CHSY3: variants seen among roughly 807,000 people sequenced by gnomAD.
The protein encoded by CHSY3 is chondroitin sulfate synthase 3, also known as N-acetylgalactosaminyl-proteoglycan 3-beta-glucuronosyltransferase 3.
CHSY3 carries 35 observed loss-of-function variants against 67.2 expected under a neutral mutation model. The ratio of observed to expected loss-of-function variants is 0.52; its 90% confidence interval spans 0.40 to 0.69. The LOEUF is 0.69. Among genes scored for constraint, CHSY3 ranks in the 30% least tolerant of loss-of-function variants. The pLI is 0.00. For missense variants in CHSY3, 1,069 were observed against 1,138.5 expected, an observed-to-expected ratio of 0.94 and a Z score of 0.88; for synonymous variants, 474 against 434.7, an observed-to-expected ratio of 1.09 and a Z score of -1.12.
intron 2 of CHSY3, among the ~76,000 whole-genome samples, chr5:130,120,346 C>T (rs1198128057): frequency 6.6e-6 from 1 of 152,070 alleles, no homozygotes; most frequent in African/African-American, 2.4e-5. Context: ...AATAGCACGA[C>T]TTGGACAGTT....
In CHSY3 at chr5:129,919,469, A is replaced by AT. The variant is rs59058168; in HGVS notation, c.1086+11110dup. Among the ~76,000 whole-genome samples, 688 of 152,306 alleles carry AT rather than the reference A, an allele frequency of 4.5e-3. 10 individuals carry two copies. The highest frequency in any genetic ancestry group is 0.016 in the African/African-American group (672 of 41,572). On this transcript the variant is annotated intron_variant, in intron 2 of 2. Coordinates refer to ENST00000305031, the MANE Select transcript of CHSY3 (RefSeq NM_175856.5). ...TAAATTATAAAGAAAAAGAGGTTTA[A>AT]TGGACTCACAGTTCCACGTGGCTGG... is the stretch of plus-strand genomic sequence containing the variant.
intron 2 of CHSY3, among the ~76,000 whole-genome samples, chr5:129,939,140 T>C (rs1447358192): frequency 2.0e-5 from 3 of 152,134 alleles, no homozygotes; most frequent in African/African-American, 7.2e-5. Context: ...TCTCATGCTG[T>C]CAGGAAAGAG....
In CHSY3 at chr5:130,167,842, T is replaced by C. The variant is rs376910965; in HGVS notation, c.1087-16387T>C. Among the ~76,000 whole-genome samples the C allele has an allele frequency of 2.1e-3, 323 of 152,214 alleles. 6 individuals are homozygous for C. The South Asian group carries it at 0.035, about 17-fold the overall frequency. On this transcript the variant is annotated intron_variant, in intron 2 of 2. Coordinates refer to ENST00000305031, the MANE Select transcript of CHSY3 (RefSeq NM_175856.5). ...AGCAACACCTATTGAGTATTTACCC[T>C]GTGTCAGATACTAATTTATGCATGT...
intron 2 of CHSY3, among the ~76,000 whole-genome samples, chr5:130,038,836 A>G (rs1764930176): frequency 6.6e-6 from 1 of 152,068 alleles, no homozygotes; most frequent in Non-Finnish European, 1.5e-5. Flanking sequence ...AATTATAAAT[A>G]AAGCCATCAG....
At chr5:129,937,278 G>T (rs1761528740) in intron 2 of CHSY3, among the ~76,000 whole-genome samples, 1 of 152,158 alleles carries the variant, frequency 6.6e-6, no homozygotes, top group South Asian at 2.1e-4. Context: ...CACATGGCTG[G>T]CAAGAGAGAC....
chr5:130,160,919 T>A (rs1769521053), intron 2 of CHSY3, among the ~76,000 whole-genome samples: 1 of 145,282 alleles, frequency 6.9e-6, no homozygotes, highest in African/African-American at 2.7e-5. Flanking sequence ...ATTTTTTTTT[T>A]TTTGAGACGG....
chr5:129,993,646 G>C lies in CHSY3; in HGVS notation c.1086+85286G>C, dbSNP rs566473410. On this transcript the variant is annotated intron_variant, in intron 2 of 2. Transcript: ENST00000305031. ...GTTTCCTGAATACAGCACACGGATG[G>C]GTCTTGACTCTTTATCCAATTTGCC... 2.0e-5 allele frequency among the ~76,000 whole-genome samples: 3 copies of C among 152,072 alleles called. No individual in the cohort carries two copies. In the East Asian group the frequency reaches 5.8e-4, roughly 29 times the overall value.
At chr5:130,076,628 AT>A (rs1766263645) in intron 2 of CHSY3, among the ~76,000 whole-genome samples, 2 of 151,948 alleles carry the variant, frequency 1.3e-5, no homozygotes, top group East Asian at 3.9e-4. Flanking sequence ...AAGAAAAAAA[AT>A]ATGTTAAGAT....
chr5:130,123,803 A>G (rs1456112938), intron 2 of CHSY3, among the ~76,000 whole-genome samples: 1 of 152,094 alleles, frequency 6.6e-6, no homozygotes, highest in East Asian at 1.9e-4. Context: ...CACCCCTATA[A>G]TCCCAGCACT....
At position 130,185,814 on chromosome 5, in the gene CHSY3, CT is replaced by C; in HGVS notation, c.*29del. The C allele has an allele frequency of 5.4e-6, 8 of 1,485,616 alleles. No individual in the cohort carries two copies. Among genetic ancestry groups the C allele is most frequent in the Non-Finnish European group, 6.3e-6 (7 of 1,110,632 alleles). 92.0% of individuals were successfully genotyped at this position (1,485,616 alleles called of 1,614,324 possible). ...TGACAGTCCAGGCAACACATTTTGCCTTTTTTAAGGGGAGTTTACCTCATTG... is the reference window on the plus strand; with the variant it reads ...TGACAGTCCAGGCAACACATTTTGCCTTTTTAAGGGGAGTTTACCTCATTG... On this transcript the variant is annotated 3_prime_UTR_variant, in exon 3 of 3. Transcript: ENST00000305031.
rs139322638 is a variant in CHSY3 at position 130,153,106 on chromosome 5, C to G, written c.1087-31123C>G. On this transcript the variant is annotated intron_variant, in intron 2 of 2. Transcript: ENST00000305031. Reference sequence around the variant, plus strand: ...ATTAGCTGGGTGTGGTGGTGCACACCTGTGGTCCTGGCTACTTGGGAGGCT... The same window carrying G: ...ATTAGCTGGGTGTGGTGGTGCACACGTGTGGTCCTGGCTACTTGGGAGGCT... Among the ~76,000 whole-genome samples, 769 of 152,164 alleles carry G rather than the reference C, an allele frequency of 5.1e-3. 9 individuals are homozygous for G. The highest frequency in any genetic ancestry group is 0.02 in the Middle Eastern group (6 of 294).
chr5:129,976,586 G>A (rs1001082509), intron 2 of CHSY3, among the ~76,000 whole-genome samples: 1 of 152,046 alleles, frequency 6.6e-6, no homozygotes, highest in Admixed American at 6.6e-5. Flanking sequence ...TCATGAATTT[G>A]TATTCCTTTA....
chr5:129,974,386 C>T (rs535749684), intron 2 of CHSY3, among the ~76,000 whole-genome samples: 2 of 152,182 alleles, frequency 1.3e-5, no homozygotes, highest in African/African-American at 4.8e-5. Flanking sequence ...GTCAGAAGAA[C>T]AGTAATTCCA....
chr5:129,966,283 G>C (rs973501506), intron 2 of CHSY3, among the ~76,000 whole-genome samples: 2 of 151,844 alleles, frequency 1.3e-5, no homozygotes, highest in African/African-American at 4.8e-5. Context: ...CAGGAACTCA[G>C]TAAGTGATTG....
At chr5:130,025,802 C>A (rs1296202893) in intron 2 of CHSY3, among the ~76,000 whole-genome samples, 1 of 152,044 alleles carries the variant, frequency 6.6e-6, no homozygotes, top group African/African-American at 2.4e-5. Context: ...CTCAAAGGCC[C>A]CATGCATGTC....
chr5:130,016,213 G>A (rs1353226965), intron 2 of CHSY3, among the ~76,000 whole-genome samples: 2 of 152,088 alleles, frequency 1.3e-5, no homozygotes, highest in African/African-American at 2.4e-5. Flanking sequence ...ATCTGCATAT[G>A]TATAAAATTT....
intron 2 of CHSY3, among the ~76,000 whole-genome samples, chr5:130,146,670 C>T (rs1769083766): frequency 6.6e-6 from 1 of 151,910 alleles, no homozygotes; most frequent in Non-Finnish European, 1.5e-5. Flanking sequence ...GTAATGGATA[C>T]TAAATACACT....
chr5:130,097,941 T>C lies in CHSY3; in HGVS notation c.1087-86288T>C, dbSNP rs1433720875. On this transcript the variant is annotated intron_variant, in intron 2 of 2. Transcript: ENST00000305031. ...GACTGGTGAACCCGGGAGGCAGAGC[T>C]TGCAGTGAGCCGAGATCGCGCCCCT... Among the ~76,000 whole-genome samples the C allele has an allele frequency of 2.0e-5, 3 of 152,148 alleles. No homozygotes were observed. In the East Asian group the frequency reaches 5.8e-4, roughly 30 times the overall value.
intron 2 of CHSY3, 130 bp from the exon 3 acceptor site, chr5:130,184,099 C>A (rs182769513): frequency 3.1e-5 from 24 of 769,214 alleles, no homozygotes; most frequent in Non-Finnish European, 4.3e-5. Flanking sequence ...TATTACAAAC[C>A]ATTTTTGTTA....
Sources: gnomAD v4.1 joint callset for allele counts (sites outside exome capture counted in the v4.1 genomes callset) on GRCh38, gnomAD v4.1.1 for gene constraint, MANE v1.5 for transcripts, NCBI Gene and HGNC (gene_info 2026-07-23, HGNC 2026-07-21) for gene names.